The following AUTS2 variants were observed in gnomAD, a reference collection of about 807,000 sequenced individuals.
The protein encoded by AUTS2 is autism susceptibility gene 2 protein.
Under a neutral mutation model 112.4 loss-of-function variants are expected in AUTS2, and 17 were observed. The observed-to-expected ratio is 0.15, with a 90% CI of 0.10 to 0.23. AUTS2 has a LOEUF of 0.23. Ranked by LOEUF, AUTS2 falls within the 10% of genes least tolerant of loss-of-function variation. AUTS2 has a pLI of 1.00. For synonymous variants in AUTS2, 751 were observed against 702.7 expected (o/e 1.07, Z -1.09); for missense variants, 1,510 against 1,701.6 (o/e 0.89, Z 1.98).
At chr7:70,429,638 A>T (rs1795571007) in intron 4 of AUTS2, among the ~76,000 whole-genome samples, 1 of 152,196 alleles carries the variant, frequency 6.6e-6, no homozygotes, top group African/African-American at 2.4e-5. Flanking sequence ...CTGCTGTGAG[A>T]TTAGTATGGG....
chr7:70,636,646 T>A (rs1805547627), intron 5 of AUTS2, among the ~76,000 whole-genome samples: 3 of 106,780 alleles, frequency 2.8e-5, no homozygotes, highest in South Asian at 9.0e-4. Context: ...CCTACAAAAA[T>A]ACATTTTTTT....
chr7:70,379,501 CAAA>C (rs35035233), intron 4 of AUTS2, among the ~76,000 whole-genome samples: 1 of 120,612 alleles, frequency 8.3e-6, no homozygotes. Context: ...GCATCCGTCT[CAAA>C]AAAAAAAAAA....
chr7:70,747,988 A>ATT (rs770222247), intron 6 of AUTS2, among the ~76,000 whole-genome samples: 24,135 of 108,286 alleles, frequency 0.22, 2,868 homozygotes, highest in East Asian at 0.28. Flanking sequence ...CGCCCAGCCA[A>ATT]TTTTTTTTTT....
intron 2 of AUTS2, among the ~76,000 whole-genome samples, chr7:70,045,809 G>A (rs1160348248): frequency 4.1e-5 from 5 of 121,606 alleles, no homozygotes; most frequent in Non-Finnish European, 6.6e-5. Flanking sequence ...TTTTTTTTAA[G>A]TAGAGATAGG....
intron 6 of AUTS2, among the ~76,000 whole-genome samples, chr7:70,722,427 T>C (rs1216292361): frequency 2.0e-5 from 3 of 152,214 alleles, no homozygotes; most frequent in Admixed American, 1.3e-4. Flanking sequence ...TTTTATATGC[T>C]ATAAATAATT....
intron 2 of AUTS2, among the ~76,000 whole-genome samples, chr7:69,997,640 G>A (rs999947263): frequency 1.3e-5 from 2 of 152,134 alleles, no homozygotes; most frequent in Admixed American, 1.3e-4. Flanking sequence ...CAATGTGTCA[G>A]AAGGAGCAAG....
chr7:70,204,462 A>C (rs1453867175), intron 4 of AUTS2, among the ~76,000 whole-genome samples: 1 of 152,162 alleles, frequency 6.6e-6, no homozygotes, highest in East Asian at 1.9e-4. Flanking sequence ...CTTTGATTGA[A>C]AGAGACAGAG....
intron 4 of AUTS2, among the ~76,000 whole-genome samples, chr7:70,271,554 A>G (rs1397590069): frequency 6.6e-6 from 1 of 152,216 alleles, no homozygotes; most frequent in Non-Finnish European, 1.5e-5. Flanking sequence ...AAAAAAGATT[A>G]TTATACATCA....
chr7:69,673,025 A>G (rs1420541485), intron 1 of AUTS2, among the ~76,000 whole-genome samples: 1 of 152,202 alleles, frequency 6.6e-6, no homozygotes, highest in African/African-American at 2.4e-5. Context: ...ATTTAGACCC[A>G]TCATGTTTCT....
chr7:69,876,964 G>T (rs1009038047), intron 1 of AUTS2, among the ~76,000 whole-genome samples: 1 of 152,108 alleles, frequency 6.6e-6, no homozygotes, highest in African/African-American at 2.4e-5. Context: ...TTTGTTGGTT[G>T]CCCACTGATT....
At chr7:69,925,007 A>C (rs1381698535) in intron 2 of AUTS2, among the ~76,000 whole-genome samples, 1 of 152,166 alleles carries the variant, frequency 6.6e-6, no homozygotes, top group East Asian at 1.9e-4. Flanking sequence ...CAGCTTTGGT[A>C]ATTTATGTCT....
intron 2 of AUTS2, among the ~76,000 whole-genome samples, chr7:70,098,716 T>C (rs368505477): frequency 6.6e-6 from 1 of 152,042 alleles, no homozygotes; most frequent in South Asian, 2.1e-4. Flanking sequence ...CTTTTTTTTT[T>C]TTTGAGACAG....
At chr7:69,795,981 G>A (rs1789823737) in intron 1 of AUTS2, among the ~76,000 whole-genome samples, 1 of 152,120 alleles carries the variant, frequency 6.6e-6, no homozygotes, top group South Asian at 2.1e-4. Flanking sequence ...TAGTTACCTC[G>A]ATTAAAAAAT....
rs1208980513 is a variant in AUTS2 at position 70,693,888 on chromosome 7, C to T, written c.691-4681C>T. Among the ~76,000 whole-genome samples the T allele has an allele frequency of 1.3e-5, 2 of 152,078 alleles. 1 individual carries two copies. Among genetic ancestry groups the T allele is most frequent in the African/African-American group, 4.8e-5 (2 of 41,432 alleles). On this transcript the variant is annotated intron_variant, in intron 5 of 18. Coordinates refer to ENST00000342771, the MANE Select transcript of AUTS2 (RefSeq NM_015570.4). ...CCGAGGGCTCGAGCCGCGGGGGGAG[C>T]AACAGCTGTCGATGTCGCGCCTGGG...
At chr7:69,842,391 G>A (rs949758335) in intron 1 of AUTS2, among the ~76,000 whole-genome samples, 8 of 152,102 alleles carry the variant, frequency 5.3e-5, no homozygotes, top group Admixed American at 3.9e-4. Context: ...GTGTGTTGAC[G>A]CTTTTACTGT....
chr7:69,701,288 T>C (rs2129188298), intron 1 of AUTS2, among the ~76,000 whole-genome samples: 1 of 152,262 alleles, frequency 6.6e-6, no homozygotes, highest in East Asian at 1.9e-4. Context: ...AATAAAATAG[T>C]GGGTTATGTT....
At chr7:69,915,813 G>GC (rs917233583) in intron 2 of AUTS2, among the ~76,000 whole-genome samples, 4 of 152,060 alleles carry the variant, frequency 2.6e-5, no homozygotes, top group Non-Finnish European at 4.4e-5. Flanking sequence ...TGTACCCTCT[G>GC]CCCCCCGGGC....
intron 1 of AUTS2, among the ~76,000 whole-genome samples, chr7:69,818,906 C>T (rs978143454): frequency 3.3e-4 from 50 of 152,266 alleles, no homozygotes; most frequent in African/African-American, 1.2e-3. Context: ...TTGGGGGTTA[C>T]CACTTCAGTG....
rs575265552 is a variant in AUTS2 at position 69,674,424 on chromosome 7, T to C, written c.309+74462T>C. 1.4e-3 allele frequency among the ~76,000 whole-genome samples: 219 copies of C among 152,310 alleles called. 1 individual carries two copies. Among genetic ancestry groups the C allele is most frequent in the Middle Eastern group, 3.4e-3 (1 of 294 alleles). On this transcript the variant is annotated intron_variant, in intron 1 of 18. Transcript: ENST00000342771. ...GAGCTGTGGGACCTTAACTTCTCTG[T>C]GCTTACTGTCCTTACCTGTGAGATG...
Sources: gnomAD v4.1 joint callset for allele counts (sites outside exome capture counted in the v4.1 genomes callset) on GRCh38, gnomAD v4.1.1 for gene constraint, MANE v1.5 for transcripts, NCBI Gene and HGNC (gene_info 2026-07-23, HGNC 2026-07-21) for gene names.